Variants in ELP4 observed in about 807,000 individuals in gnomAD.
ELP4 encodes elongator complex protein 4.
Under a neutral mutation model 48.9 loss-of-function variants are expected in ELP4, and 51 were observed. The observed-to-expected ratio is 1.04, with a 90% CI of 0.83 to 1.32. ELP4 has a LOEUF of 1.32. Ranked by LOEUF, ELP4 falls within the 40% of genes most tolerant of loss-of-function variation. The pLI, the probability that ELP4 is intolerant of heterozygous loss-of-function variation, is 0.00. For missense variants in ELP4, 519 were observed against 514.6 expected, an observed-to-expected ratio of 1.01 and a Z score of -0.08; for synonymous variants, 210 against 189.2, an observed-to-expected ratio of 1.11 and a Z score of -0.90.
intron 9 of ELP4, among the ~76,000 whole-genome samples, chr11:31,683,946 A>G (rs1056345722): frequency 2.6e-5 from 4 of 152,164 alleles, no homozygotes; most frequent in African/African-American, 9.7e-5. Context: ...TTGGATATCA[A>G]CATGGTTTTG....
intron 9 of ELP4, chr11:31,682,220 G>A (rs776851171): frequency 2.1e-6 from 1 of 485,566 alleles, no homozygotes; most frequent in African/African-American, 2.1e-5. Flanking sequence ...TATTTGCCAG[G>A]ATCTGAATGA....
intron 3 of ELP4, among the ~76,000 whole-genome samples, chr11:31,544,764 G>C (rs1279466110): frequency 6.6e-6 from 1 of 152,200 alleles, no homozygotes; most frequent in East Asian, 1.9e-4. Flanking sequence ...AGTAGGGGCA[G>C]ACTGACACCT....
At chr11:31,635,840 T>C (rs1482493980) in intron 7 of ELP4, among the ~76,000 whole-genome samples, 1 of 151,984 alleles carries the variant, frequency 6.6e-6, no homozygotes, top group East Asian at 1.9e-4. Flanking sequence ...ATCAAAGCAA[T>C]AGAAATCTCC....
chr11:31,571,470 T>C (rs540744466), intron 3 of ELP4, among the ~76,000 whole-genome samples: 2 of 152,304 alleles, frequency 1.3e-5, no homozygotes, highest in South Asian at 4.1e-4. Context: ...CCATGAGGAT[T>C]GGAATCAACT....
chr11:31,724,008 A>G (rs899499900), intron 9 of ELP4, among the ~76,000 whole-genome samples: 3 of 152,230 alleles, frequency 2.0e-5, no homozygotes, highest in Admixed American at 1.3e-4. Context: ...AAGGGGATTT[A>G]TGGATACTTC....
chr11:31,549,152 A>C (rs1283281793), intron 3 of ELP4, among the ~76,000 whole-genome samples: 5 of 150,756 alleles, frequency 3.3e-5, no homozygotes, highest in South Asian at 2.1e-4. Flanking sequence ...TAATTAAACT[A>C]AAGAGCTTCT....
chr11:31,783,073 T>C (rs1948416466), intron 9 of ELP4, among the ~76,000 whole-genome samples: 2 of 152,218 alleles, frequency 1.3e-5, no homozygotes. Context: ...CCAACGTTGC[T>C]GTTATTTATG....
chr11:31,599,521 AC>A (rs1284521400), intron 4 of ELP4: 11 of 13,442 alleles, frequency 8.2e-4, no homozygotes, highest in African/African-American at 1.2e-3. Flanking sequence ...ACACACACAC[AC>A]AAAAAAAAAA....
At chr11:31,715,480 T>G (rs191215502) in intron 9 of ELP4, among the ~76,000 whole-genome samples, 9 of 152,336 alleles carry the variant, frequency 5.9e-5, no homozygotes, top group Admixed American at 5.9e-4. Flanking sequence ...TACTGAGAGA[T>G]TCCAATGTGT....
chr11:31,734,002 T>A (rs1231496727), intron 9 of ELP4, among the ~76,000 whole-genome samples: 1 of 152,116 alleles, frequency 6.6e-6, no homozygotes, highest in East Asian at 1.9e-4. Context: ...AACAACACAG[T>A]AAAAGAATCA....
chr11:31,649,093 A>T (rs1005604439), intron 8 of ELP4: 2 of 151,576 alleles, frequency 1.3e-5, no homozygotes, highest in African/African-American at 4.8e-5. Flanking sequence ...AGTTTGAAAA[A>T]TTTTCAGGTA....
intron 9 of ELP4, among the ~76,000 whole-genome samples, chr11:31,661,597 C>T (rs1945556447): frequency 6.6e-6 from 1 of 151,710 alleles, no homozygotes; most frequent in Non-Finnish European, 1.5e-5. Flanking sequence ...TATAAGTGCT[C>T]GTCAAATATT....
chr11:31,582,603 A>C (rs1427139098), intron 3 of ELP4, among the ~76,000 whole-genome samples: 1 of 151,964 alleles, frequency 6.6e-6, no homozygotes, highest in Non-Finnish European at 1.5e-5. Flanking sequence ...CTTGAATTTC[A>C]TATTAGATGC....
At chr11:31,721,101 C>T (rs952911754) in intron 9 of ELP4, among the ~76,000 whole-genome samples, 13 of 152,190 alleles carry the variant, frequency 8.5e-5, no homozygotes, top group Admixed American at 2.0e-4. Flanking sequence ...TTAAGACTTT[C>T]ACTGCCAAGT....
intron 9 of ELP4, among the ~76,000 whole-genome samples, chr11:31,678,033 C>T (rs1454675691): frequency 6.6e-6 from 1 of 152,116 alleles, no homozygotes; most frequent in Non-Finnish European, 1.5e-5. Context: ...TTTCCTCCCT[C>T]CCCCAATGTC....
chr11:31,591,422 A>AGGGG (rs35637930), intron 3 of ELP4, among the ~76,000 whole-genome samples: 3 of 76,568 alleles, frequency 3.9e-5, no homozygotes, highest in African/African-American at 1.9e-4. Flanking sequence ...AAAAAAAAAA[A>AGGGG]GGGGGGGGGG....
At chr11:31,701,319 G>A (rs1565118701) in intron 9 of ELP4, among the ~76,000 whole-genome samples, 1 of 152,042 alleles carries the variant, frequency 6.6e-6, no homozygotes, top group Non-Finnish European at 1.5e-5. Context: ...AAACTAAGCT[G>A]TCACATTGCT....
At chr11:31,573,224 C>A (rs1474932474) in intron 3 of ELP4, among the ~76,000 whole-genome samples, 2 of 152,236 alleles carry the variant, frequency 1.3e-5, no homozygotes, top group East Asian at 3.9e-4. Flanking sequence ...AGTCTGTCTC[C>A]CTACCACCAC....
At chr11:31,729,085 A>C (rs1947133028) in intron 9 of ELP4, among the ~76,000 whole-genome samples, 1 of 152,212 alleles carries the variant, frequency 6.6e-6, no homozygotes. Context: ...TTCAAAGAAA[A>C]ATCAAATCCA....
Sources: allele counts gnomAD v4.1 joint callset (sites outside exome capture counted in the v4.1 genomes callset), GRCh38; gene constraint gnomAD v4.1.1; transcripts MANE v1.5; gene names NCBI Gene and HGNC (gene_info 2026-07-23, HGNC 2026-07-21).